ZNF528: variants seen among roughly 807,000 people sequenced by gnomAD.
ZNF528 encodes zinc finger protein 528.
In ZNF528, 9 loss-of-function variants were observed where a neutral mutation model predicts 13.3. The observed-to-expected ratio is 0.67, with a 90% CI of 0.41 to 1.18. The LOEUF is 1.18. Among genes scored for constraint, ZNF528 ranks in the 50% most tolerant of loss-of-function variants. The pLI is 0.01. For missense variants in ZNF528, 858 were observed against 745.4 expected, an observed-to-expected ratio of 1.15 and a Z score of -1.76; for synonymous variants, 264 against 254.3, an observed-to-expected ratio of 1.04 and a Z score of -0.36.
intron 2 of ZNF528, 76 bp downstream of exon 2, chr19:52,398,695 A>T: frequency 7.4e-6 from 6 of 808,100 alleles, no homozygotes; most frequent in Non-Finnish European, 9.0e-6. Context: ...AACTGTAAAA[A>T]TATAGACAAA....
Position 52,416,632 on chromosome 19 carries a change from A to G in ZNF528, c.1780A>G (p.Asn594Asp). The G allele has an allele frequency of 6.2e-7, 1 of 1,614,218 alleles. No individual in the cohort carries two copies. Residue 594 changes from asparagine (N) to aspartate (D), a missense_variant, in exon 7 of 7, where the codon AAT (asparagine) becomes GAT (aspartate). By Grantham distance (23) the Asn-to-Asp change is conservative (BLOSUM62 1). Transcript: ENST00000360465. The stretch of plus-strand genomic sequence containing the variant: ...CTTCACTCAGAAGTCTTCCCTCACC[A>G]ATCACCATAGAATTCACATTGGAGA... ...KIFTQKSSLT[N>D]HHRIHIGEKP...
chr19:52,410,922 TAA>T lies in ZNF528; in HGVS notation c.272-4200_272-4199del, dbSNP rs370975082. 1.1e-4 allele frequency among the ~76,000 whole-genome samples: 17 copies of T among 152,306 alleles called. No individual in the cohort carries two copies. In the East Asian group the frequency reaches 2.9e-3, roughly 26 times the overall value. ...CTCCTAGTATTTGTTGAAAATCATT[TAA>T]AGTCTATAATGTGTCTTTACCAAGA... On this transcript the variant is annotated intron_variant, in intron 6 of 6. Transcript: ENST00000360465.
Position 52,416,289 on chromosome 19 carries a change from T to C in ZNF528, c.1437T>C (p.Ser479=), listed in dbSNP as rs372311915. The C allele has an allele frequency of 1.1e-5, 17 of 1,613,704 alleles. No homozygotes were observed. The highest frequency in any genetic ancestry group is 1.4e-5 in the Non-Finnish European group (17 of 1,179,908). The change falls in exon 7 of 7, where the codon TCT becomes TCC. Residue 479 remains serine, a synonymous_variant. Transcript: ENST00000360465. The part of the protein sequence containing the change: ...ECGKVFRYKS[S]LTSHHRIHTG... ...GCAAAGTCTTCAGGTACAAGTCTTC[T>C]CTAACCAGTCATCATAGAATTCATA...
At chr19:52,414,560 G>T in intron 6 of ZNF528, 1 of 501,814 alleles carries the variant, frequency 2.0e-6, no homozygotes, top group South Asian at 2.3e-5. Context: ...TGTCCCAGTA[G>T]ATAATTTCAA....
chr19:52,407,098 C>T (rs555385441), intron 6 of ZNF528, among the ~76,000 whole-genome samples: 4 of 151,690 alleles, frequency 2.6e-5, no homozygotes, highest in South Asian at 4.2e-4. Context: ...GTGTACGCCA[C>T]GATGCCTGGC....
intron 6 of ZNF528, among the ~76,000 whole-genome samples, chr19:52,408,812 C>T (rs533648200): frequency 4.6e-5 from 7 of 152,284 alleles, no homozygotes; most frequent in Admixed American, 1.3e-4. Context: ...GGTGATCCAC[C>T]CACCTCAGCC....
chr19:52,398,630 G>C lies in ZNF528; in HGVS notation c.-137+11G>C, dbSNP rs1401282403. 2.0e-6 allele frequency: 2 copies of C among 984,820 alleles called. No individual in the cohort carries two copies. The highest frequency in any genetic ancestry group is 2.4e-6 in the Non-Finnish European group (2 of 829,512). 61.0% of individuals were successfully genotyped at this position (984,820 alleles called of 1,614,324 possible). A position where few individuals can be genotyped will look rare whatever the true frequency, so the allele number is the denominator to read the frequency against. ...AAGGCAAAGTAGAAGGTGAGTGAGGGGTTTGCAGAGGCACAGTGAAAGAAG... is the reference window on the plus strand; with the variant it reads ...AAGGCAAAGTAGAAGGTGAGTGAGGCGTTTGCAGAGGCACAGTGAAAGAAG... On this transcript the variant is annotated intron_variant, in intron 2 of 6. Transcript: ENST00000360465.
chr19:52,405,893 G>A lies in ZNF528; in HGVS notation c.16-14G>A. The A allele has an allele frequency of 1.2e-6, 2 of 1,607,602 alleles. No individual in the cohort carries two copies. The highest frequency in any genetic ancestry group is 1.7e-6 in the Non-Finnish European group (2 of 1,175,586). On this transcript the variant is annotated splice_polypyrimidine_tract_variant and intron_variant, in intron 4 of 6. Coordinates refer to ENST00000360465, the MANE Select transcript of ZNF528 (RefSeq NM_032423.3). ...TGTGCATACCTTGTTGCTGAAATGT[G>A]GATTTTCTTTCAGGGACCCTTGAAA...
chr19:52,414,072 C>G (rs569765412), intron 6 of ZNF528: 9 of 613,160 alleles, frequency 1.5e-5, no homozygotes, highest in South Asian at 9.5e-5. Flanking sequence ...TACCCTGATT[C>G]AGAAAACTTC....
intron 6 of ZNF528, among the ~76,000 whole-genome samples, chr19:52,407,722 G>A (rs935780680): frequency 3.9e-5 from 6 of 152,250 alleles, no homozygotes; most frequent in Admixed American, 3.3e-4. Flanking sequence ...GTTGCAGTGA[G>A]CCGAGATTGC....
chr19:52,414,166 A>G (rs541442881), intron 6 of ZNF528: 41 of 701,724 alleles, frequency 5.8e-5, no homozygotes, highest in South Asian at 5.8e-4. Context: ...CTGCCAGCCG[A>G]CTCATCCAGG....
chr19:52,405,677 A>G (rs1271910880), intron 4 of ZNF528, among the ~76,000 whole-genome samples: 1 of 144,610 alleles, frequency 6.9e-6, no homozygotes, highest in Admixed American at 6.9e-5. Context: ...TTTTTTTTGT[A>G]TTGTCCAAAA....
chr19:52,411,272 A>G (rs1348870736), intron 6 of ZNF528: 2 of 152,208 alleles, frequency 1.3e-5, no homozygotes, highest in Admixed American at 6.5e-5. Context: ...GTTCTCTATG[A>G]TTAATAGAAG....
At chr19:52,405,802 A>G (rs769650048) in intron 4 of ZNF528, 105 bp from the exon 5 acceptor site, 53 of 1,467,852 alleles carry the variant, frequency 3.6e-5, no homozygotes, top group Non-Finnish European at 4.8e-5. Flanking sequence ...GATTTTTCAC[A>G]GTGCTCACAT....
intron 6 of ZNF528, among the ~76,000 whole-genome samples, chr19:52,407,400 A>G (rs2058871775): frequency 6.6e-6 from 1 of 152,016 alleles, no homozygotes; most frequent in Admixed American, 6.6e-5. Context: ...TCAGCTTCCC[A>G]AAGTGTTGGG....
intron 4 of ZNF528, among the ~76,000 whole-genome samples, chr19:52,402,747 T>C (rs534760106): frequency 6.6e-6 from 1 of 152,318 alleles, no homozygotes; most frequent in South Asian, 2.1e-4. Flanking sequence ...GTATTTTCTT[T>C]GCCCTTAATA....
At chr19:52,411,447 C>T (rs997612684) in intron 6 of ZNF528, 9 of 152,150 alleles carry the variant, frequency 5.9e-5, no homozygotes, top group African/African-American at 1.9e-4. Context: ...ATTAATAGCT[C>T]TCAAATCATG....
chr19:52,398,673 G>A, intron 2 of ZNF528, 54 bp downstream of exon 2: 1 of 912,574 alleles, frequency 1.1e-6, no homozygotes, highest in African/African-American at 1.8e-5. Context: ...GAAAATAGCA[G>A]GGGAGAAAAG....
intron 2 of ZNF528, among the ~76,000 whole-genome samples, chr19:52,400,227 AACACACACACACACACACACAC>A (rs56136198): frequency 6.9e-6 from 1 of 144,612 alleles, no homozygotes; most frequent in Non-Finnish European, 1.5e-5. Flanking sequence ...TGCCCATTAA[AACACACACACACACACACACAC>A]ACACACACAC....
Sources: gnomAD v4.1 joint callset for allele counts (sites outside exome capture counted in the v4.1 genomes callset) on GRCh38, gnomAD v4.1.1 for gene constraint, MANE v1.5 for transcripts, NCBI Gene and HGNC (gene_info 2026-07-23, HGNC 2026-07-21) for gene names.